The following RPRD1A variants were observed in gnomAD, a reference collection of about 807,000 sequenced individuals.
RPRD1A encodes the protein regulation of nuclear pre-mRNA domain containing 1A.
RPRD1A carries 9 observed loss-of-function variants against 37.8 expected under a neutral mutation model. That is an observed-to-expected ratio of 0.24 (90% CI 0.14 to 0.42). The LOEUF (loss-of-function observed/expected upper bound fraction) is 0.42, where lower values mean the gene tolerates loss of function less well. RPRD1A is among the 10% of genes least tolerant of loss of function. RPRD1A has a pLI of 1.00. For synonymous variants in RPRD1A, 138 were observed against 139.7 expected (o/e 0.99, Z 0.08); for missense variants, 255 against 371.0 (o/e 0.69, Z 2.57).
chr18:36,043,423 C>G (rs1357355296), intron 1 of RPRD1A, among the ~76,000 whole-genome samples: 1 of 151,882 alleles, frequency 6.6e-6, no homozygotes, highest in Non-Finnish European at 1.5e-5. Flanking sequence ...CAGGTCCAGG[C>G]AAAGGAACAT....
In RPRD1A at chr18:35,991,805, G is replaced by A. The variant is rs1949981648; in HGVS notation, c.*1346C>T. 6.6e-6 allele frequency: 1 copy of A among 152,162 alleles called. No individual in the cohort carries two copies. The highest frequency in any genetic ancestry group is 2.1e-4 in the South Asian group (1 of 4,824). The allele number at this position is 152,162 out of a possible 1,614,324, so 9.4% of individuals were successfully genotyped here. On this transcript the variant is annotated 3_prime_UTR_variant, in exon 7 of 7. Transcript: ENST00000399022. ...CATTGTAACTATAATTTCTAATACT[G>A]AGAAAGAAACAATGAAGCCATTCAG...
intron 1 of RPRD1A, among the ~76,000 whole-genome samples, chr18:36,055,333 C>T (rs1913684960): frequency 6.6e-6 from 1 of 152,216 alleles, no homozygotes; most frequent in Non-Finnish European, 1.5e-5. Context: ...CATTTCCCAA[C>T]TTAGAGAAAA....
intron 6 of RPRD1A, among the ~76,000 whole-genome samples, chr18:36,020,190 A>G (rs1422535757): frequency 6.6e-6 from 1 of 152,202 alleles, no homozygotes; most frequent in Non-Finnish European, 1.5e-5. Context: ...TCTCCTTAAT[A>G]TGTAATGATA....
chr18:36,007,736 A>C (rs1470976539), intron 6 of RPRD1A, among the ~76,000 whole-genome samples: 1 of 151,998 alleles, frequency 6.6e-6, no homozygotes, highest in Non-Finnish European at 1.5e-5. Flanking sequence ...TCAAGAGATC[A>C]AGACCAGCCT....
chr18:35,998,384 A>C (rs935174040), intron 6 of RPRD1A, among the ~76,000 whole-genome samples: 1 of 152,164 alleles, frequency 6.6e-6, no homozygotes, highest in Admixed American at 6.5e-5. Context: ...GTAACTATTA[A>C]AATAAATGTT....
intron 6 of RPRD1A, among the ~76,000 whole-genome samples, chr18:36,008,595 A>ATATATATATATATAT (rs1343314993): frequency 7.2e-6 from 1 of 138,108 alleles, no homozygotes; most frequent in African/African-American, 2.8e-5. Context: ...ATATATCTTT[A>ATATATATATATATAT]AAAATCTCTC....
chr18:36,039,334 T>C (rs931588928), intron 1 of RPRD1A, among the ~76,000 whole-genome samples: 1 of 152,222 alleles, frequency 6.6e-6, no homozygotes, highest in Admixed American at 6.5e-5. Flanking sequence ...AGGAGACTAA[T>C]ACAATTACCT....
intron 6 of RPRD1A, among the ~76,000 whole-genome samples, chr18:36,023,820 T>C (rs1029348298): frequency 2.0e-5 from 3 of 152,226 alleles, no homozygotes; most frequent in African/African-American, 7.2e-5. Flanking sequence ...AATGAAGCAT[T>C]TTTAACTAAG....
rs1908650380 is a variant in RPRD1A, at chr18:35,990,370, C to T, written c.*2781G>A. On this transcript the variant is annotated 3_prime_UTR_variant, in exon 7 of 7. Transcript: ENST00000399022. ...AATCAAGATGCCTGGGTCATCCCCA[C>T]TTTTGCTGATTCTGAAAGATTTCTT... is the stretch of plus-strand genomic sequence containing the variant. 6.6e-6 allele frequency: 1 copy of T among 152,202 alleles called. No individual in the cohort carries two copies. Among genetic ancestry groups the T allele is most frequent in the African/African-American group, 2.4e-5 (1 of 41,440 alleles). The allele number at this position is 152,202 out of a possible 1,614,324, so 9.4% of individuals were successfully genotyped here.
chr18:36,046,653 G>A (rs181800281), intron 1 of RPRD1A, among the ~76,000 whole-genome samples: 2 of 151,632 alleles, frequency 1.3e-5, no homozygotes, highest in Admixed American at 1.3e-4. Flanking sequence ...GCAACATGGT[G>A]AAACCCCGTC....
chr18:36,053,315 C>G (rs1283921845), intron 1 of RPRD1A, among the ~76,000 whole-genome samples: 1 of 152,188 alleles, frequency 6.6e-6, no homozygotes, highest in Non-Finnish European at 1.5e-5. Context: ...CAAGCCCACA[C>G]CCATTAAGTA....
intron 1 of RPRD1A, among the ~76,000 whole-genome samples, chr18:36,057,014 A>T (rs933318441): frequency 7.0e-5 from 10 of 142,744 alleles, no homozygotes; most frequent in Non-Finnish European, 1.1e-4. Flanking sequence ...CAGGAGTTCG[A>T]GACCAGCCTC....
At chr18:36,008,559 C>T (rs1356705297) in intron 6 of RPRD1A, among the ~76,000 whole-genome samples, 1 of 8,252 alleles carries the variant, frequency 1.2e-4, no homozygotes, top group Non-Finnish European at 3.5e-4. Context: ...CTGGGCGACA[C>T]AGCAAGACCT....
intron 6 of RPRD1A, among the ~76,000 whole-genome samples, chr18:36,001,782 A>G (rs1464489302): frequency 6.6e-6 from 1 of 152,226 alleles, no homozygotes; most frequent in African/African-American, 2.4e-5. Flanking sequence ...TACCGAATAT[A>G]GTTAGGCAAA....
At chr18:36,037,827 G>A (rs904692480) in intron 1 of RPRD1A, among the ~76,000 whole-genome samples, 1 of 152,162 alleles carries the variant, frequency 6.6e-6, no homozygotes, top group Non-Finnish European at 1.5e-5. Context: ...CTCTCACTAT[G>A]CTTTAGCAAC....
At chr18:36,055,580 T>A (rs993085443) in intron 1 of RPRD1A, among the ~76,000 whole-genome samples, 3 of 152,208 alleles carry the variant, frequency 2.0e-5, no homozygotes, top group Non-Finnish European at 4.4e-5. Context: ...ACTGCACAGT[T>A]CTCAGCCTGA....
intron 1 of RPRD1A, among the ~76,000 whole-genome samples, chr18:36,039,055 A>C (rs1912397528): frequency 1.3e-5 from 2 of 151,982 alleles, no homozygotes. Flanking sequence ...ATGAGTTAAG[A>C]CTCTGGAGGA....
intron 1 of RPRD1A, among the ~76,000 whole-genome samples, chr18:36,042,520 C>G (rs141006943): frequency 6.6e-6 from 1 of 152,328 alleles, no homozygotes; most frequent in Non-Finnish European, 1.5e-5. Context: ...ACACTGCTGT[C>G]AGAAACCTCA....
At chr18:36,023,779 C>T (rs1347056496) in intron 6 of RPRD1A, among the ~76,000 whole-genome samples, 1 of 152,198 alleles carries the variant, frequency 6.6e-6, no homozygotes, top group Non-Finnish European at 1.5e-5. Flanking sequence ...CTATGACTAA[C>T]AGAAGGCTCA....
Sources: allele counts gnomAD v4.1 joint callset (sites outside exome capture counted in the v4.1 genomes callset), GRCh38; gene constraint gnomAD v4.1.1; transcripts MANE v1.5; gene names NCBI Gene and HGNC (gene_info 2026-07-23, HGNC 2026-07-21).